The following TMCO5A variants were observed in gnomAD, a reference collection of about 807,000 sequenced individuals.
The protein encoded by TMCO5A is transmembrane and coiled-coil domain-containing protein 5A.
A neutral mutation model predicts 42.3 loss-of-function variants in TMCO5A; 34 were observed. The ratio of observed to expected loss-of-function variants is 0.80; its 90% CI spans 0.61 to 1.07. The LOEUF (loss-of-function observed/expected upper bound fraction) is 1.07, where lower values mean the gene tolerates loss of function less well. TMCO5A is among the 50% of genes least tolerant of loss of function. The pLI, the probability that TMCO5A is intolerant of heterozygous loss-of-function variation, is 0.00. For synonymous variants in TMCO5A, 131 were observed against 115.6 expected (o/e 1.13, Z -0.86); for missense variants, 357 against 327.9 (o/e 1.09, Z -0.69).
chr15:38,003,775 G>C, the TMCO5A span, among the ~76,000 whole-genome samples: 1 of 151,904 alleles, frequency 6.6e-6, no homozygotes, highest in Admixed American at 6.6e-5. Context: ...TACCAGGCCT[G>C]GGATTCTCTT....
At chr15:37,994,905 C>T in the TMCO5A span, among the ~76,000 whole-genome samples, 2 of 152,260 alleles carry the variant, frequency 1.3e-5, no homozygotes, top group South Asian at 2.1e-4. Flanking sequence ...AGAGAGCAAA[C>T]GTCAGCACCT....
chr15:38,033,922 T>C, the TMCO5A span, among the ~76,000 whole-genome samples: 1 of 152,192 alleles, frequency 6.6e-6, no homozygotes, highest in Non-Finnish European at 1.5e-5. Flanking sequence ...TCCCCCTCCA[T>C]GTCTTAGTCC....
At chr15:37,982,687 ATATGT>A in the TMCO5A span, among the ~76,000 whole-genome samples, 4 of 143,340 alleles carry the variant, frequency 2.8e-5, no homozygotes, top group Non-Finnish European at 4.5e-5. Flanking sequence ...ATATTAACAC[ATATGT>A]TATATGATCT....
chr15:38,017,030 T>C, the TMCO5A span, among the ~76,000 whole-genome samples: 1 of 151,966 alleles, frequency 6.6e-6, no homozygotes, highest in Non-Finnish European at 1.5e-5. Context: ...TACGGCTGTA[T>C]TTATATGGCC....
downstream of TMCO5A, among the ~76,000 whole-genome samples, chr15:37,972,190 C>T (rs1414998991): frequency 2.6e-5 from 4 of 152,292 alleles, no homozygotes; most frequent in African/African-American, 4.8e-5. Flanking sequence ...AGGCACATCT[C>T]GCATCGCAGC....
chr15:37,935,619 A>G (rs2140252276), intron 2 of TMCO5A, among the ~76,000 whole-genome samples: 1 of 152,312 alleles, frequency 6.6e-6, no homozygotes, highest in South Asian at 2.1e-4. Context: ...ACATTAGTAG[A>G]AAAAGAAAAA....
intron 10 of TMCO5A, among the ~76,000 whole-genome samples, chr15:37,945,152 T>G (rs976054685): frequency 1.3e-5 from 2 of 152,236 alleles, no homozygotes; most frequent in South Asian, 2.1e-4. Context: ...TTGGGTTAGT[T>G]GGCTGAGTAA....
Position 37,941,743 on chromosome 15 carries a change from G to T in TMCO5A, c.504+13G>T. ...CCTCTACATAAAGGTAGAGCTTCTT[G>T]GTAAAGGGATAGCAAAGGGTTTATT... On this transcript the variant is annotated intron_variant, in intron 8 of 11. Coordinates refer to ENST00000319669, the MANE Select transcript of TMCO5A (RefSeq NM_152453.4). 1 of 1,604,680 alleles carries T rather than the reference G, an allele frequency of 6.2e-7. No individual in the cohort carries two copies. Among genetic ancestry groups the T allele is most frequent in the Non-Finnish European group, 8.5e-7 (1 of 1,172,020 alleles).
chr15:38,000,552 A>T, the TMCO5A span, among the ~76,000 whole-genome samples: 3 of 151,838 alleles, frequency 2.0e-5, no homozygotes, highest in Non-Finnish European at 2.9e-5. Flanking sequence ...TCTTATACTA[A>T]TTTTGAATTT....
At chr15:37,986,823 T>C in the TMCO5A span, among the ~76,000 whole-genome samples, 51 of 152,172 alleles carry the variant, frequency 3.4e-4, no homozygotes, top group South Asian at 4.4e-3. Flanking sequence ...TGGACACTTA[T>C]GTTGCTTCCA....
At chr15:38,002,415 T>C in the TMCO5A span, among the ~76,000 whole-genome samples, 2 of 152,102 alleles carry the variant, frequency 1.3e-5, no homozygotes, top group East Asian at 3.8e-4. Flanking sequence ...TAAATATACT[T>C]TCCACCCTGG....
At chr15:37,959,246 C>A (rs192197294) in intron 11 of TMCO5A, among the ~76,000 whole-genome samples, 2 of 151,736 alleles carry the variant, frequency 1.3e-5, no homozygotes, top group East Asian at 1.9e-4. Flanking sequence ...GCACATGTAC[C>A]CCAGAATTTA....
intron 2 of TMCO5A, 177 bp from the exon 3 acceptor site, chr15:37,936,137 T>A: frequency 3.1e-6 from 2 of 644,564 alleles, no homozygotes; most frequent in Non-Finnish European, 4.7e-6. Flanking sequence ...GAGCTGCGAA[T>A]TATCGAAACA....
chr15:37,937,067 G>A, intron 4 of TMCO5A, 97 bp downstream of exon 4: 1 of 1,519,006 alleles, frequency 6.6e-7, no homozygotes, highest in Admixed American at 1.9e-5. Context: ...TTTTATACAT[G>A]AACAGTAGCC....
intron 9 of TMCO5A, chr15:37,942,491 A>T: frequency 2.4e-6 from 1 of 421,730 alleles, no homozygotes. Flanking sequence ...TCGTAATGTT[A>T]TCACATTATC....
At chr15:37,940,498 C>G (rs1353715714) in intron 6 of TMCO5A, among the ~76,000 whole-genome samples, 2 of 152,112 alleles carry the variant, frequency 1.3e-5, no homozygotes, top group African/African-American at 4.8e-5. Context: ...CTTTGCCAAC[C>G]ACCTACCACC....
chr15:37,966,723 G>A (rs1890565913), exon 12 of TMCO5A: 2 of 702,676 alleles, frequency 2.8e-6, no homozygotes, highest in Admixed American at 4.0e-5. Flanking sequence ...TTTCCAACAG[G>A]TTCAGCAGTA....
chr15:37,989,079 C>A, the TMCO5A span, among the ~76,000 whole-genome samples: 1 of 151,808 alleles, frequency 6.6e-6, no homozygotes, highest in African/African-American at 2.4e-5. Context: ...TTTTGTGTTT[C>A]TAGGAATTTA....
the TMCO5A span, among the ~76,000 whole-genome samples, chr15:38,022,116 T>C: frequency 3.3e-5 from 5 of 152,202 alleles, no homozygotes; most frequent in Admixed American, 6.5e-5. Context: ...GGCCAGTTTC[T>C]TACAAAACTA....
Sources: gnomAD v4.1 joint callset for allele counts (sites outside exome capture counted in the v4.1 genomes callset) on GRCh38, gnomAD v4.1.1 for gene constraint, MANE v1.5 for transcripts, NCBI Gene and HGNC (gene_info 2026-07-23, HGNC 2026-07-21) for gene names.